Variants in MX1 observed in about 807,000 individuals in gnomAD.
MX1 encodes interferon-induced GTP-binding protein Mx1.
Under a neutral mutation model 66.4 loss-of-function variants are expected in MX1, and 66 were observed. That is an observed-to-expected ratio of 0.99 (90% confidence interval 0.82 to 1.22). The LOEUF is 1.22. Ranked by LOEUF, MX1 falls within the 50% of genes most tolerant of loss-of-function variation. The probability of loss-of-function intolerance (pLI) is 0.00; values close to 1 mark genes in which losing one functional copy is unlikely to be tolerated. For synonymous variants in MX1, 311 were observed against 318.1 expected, an observed-to-expected ratio of 0.98 and a Z score of 0.24; for missense variants, 787 against 834.3, an observed-to-expected ratio of 0.94 and a Z score of 0.70.
At chr21:41,431,864 C>T (rs546815113) in intron 4 of MX1, 186 bp from the exon 5 acceptor site, 5 of 541,068 alleles carry the variant, frequency 9.2e-6, no homozygotes, top group Admixed American at 3.2e-5. Context: ...TTTCTCTTTC[C>T]GTGAATAAAA....
intron 10 of MX1, chr21:41,443,486 CAT>C (rs2090574247): frequency 2.8e-6 from 1 of 357,962 alleles, no homozygotes; most frequent in Non-Finnish European, 5.2e-6. Flanking sequence ...GTTATAAAAA[CAT>C]ATCTATACAT....
At chr21:41,447,781 G>A (rs1298871130) in intron 13 of MX1, among the ~76,000 whole-genome samples, 1 of 152,076 alleles carries the variant, frequency 6.6e-6, no homozygotes, top group Non-Finnish European at 1.5e-5. Context: ...TGTTGCCCAG[G>A]CTGGGGTGCA....
Position 41,449,153 on chromosome 21 carries a change from T to C in MX1, c.1290T>C (p.Ser430=). 1 of 1,611,072 alleles carries C rather than the reference T, an allele frequency of 6.2e-7. No homozygotes were observed. Among genetic ancestry groups the C allele is most frequent in the Non-Finnish European group, 8.5e-7 (1 of 1,179,076 alleles). The change falls in exon 14 of 17, where the codon AGT becomes AGC. Residue 430 remains serine (S), a synonymous_variant. Transcript: ENST00000398598. ...NNFQEGHKIL[S]RKIQKFENQY... is the part of the protein sequence containing the mutation. ...CTGCTATAGGCCATAAAATTTTGAG[T>C]AGAAAAATCCAGAAATTTGAAAATC...
At chr21:41,436,277 C>A (rs1280345950) in intron 6 of MX1, among the ~76,000 whole-genome samples, 2 of 152,178 alleles carry the variant, frequency 1.3e-5, no homozygotes, top group Non-Finnish European at 2.9e-5. Context: ...CATAAGGGCA[C>A]CAGTCATATT....
intron 10 of MX1, among the ~76,000 whole-genome samples, chr21:41,443,166 G>C (rs2090566311): frequency 9.0e-6 from 1 of 111,578 alleles, no homozygotes; most frequent in Non-Finnish European, 2.3e-5. Flanking sequence ...TTAGGTATGA[G>C]TATACTCACA....
intron 13 of MX1, among the ~76,000 whole-genome samples, chr21:41,448,496 C>T (rs546125098): frequency 2.0e-5 from 3 of 152,078 alleles, no homozygotes; most frequent in Non-Finnish European, 4.4e-5. Context: ...AAACTTCATA[C>T]TCGAGTACGT....
intron 14 of MX1, 51 bp from the exon 15 acceptor site, chr21:41,451,111 TAAGAA>T (rs2090810983): frequency 1.6e-6 from 2 of 1,228,990 alleles, no homozygotes. Flanking sequence ...TTTTGCATCT[TAAGAA>T]GAGAACAAAT....
At chr21:41,436,382 A>T (rs2090363506) in intron 6 of MX1, among the ~76,000 whole-genome samples, 1 of 152,256 alleles carries the variant, frequency 6.6e-6, no homozygotes, top group Admixed American at 6.5e-5. Context: ...TAGGGCTTCA[A>T]CATAGGAATT....
intron 10 of MX1, 112 bp from the exon 11 acceptor site, chr21:41,443,676 C>G (rs2090578855): frequency 1.1e-6 from 1 of 880,630 alleles, no homozygotes; most frequent in Admixed American, 1.8e-5. Flanking sequence ...GCAAGACATT[C>G]CATCCAGTTG....
chr21:41,446,222 T>C, intron 13 of MX1, 81 bp downstream of exon 13: 1 of 1,276,148 alleles, frequency 7.8e-7, no homozygotes, highest in Admixed American at 2.0e-5. Context: ...AGAAACTTAT[T>C]GCTCATTGTT....
intron 10 of MX1, among the ~76,000 whole-genome samples, chr21:41,442,356 T>C (rs2090545501): frequency 6.6e-6 from 1 of 152,192 alleles, no homozygotes; most frequent in African/African-American, 2.4e-5. Context: ...GGTGTTAGGA[T>C]AATTAATATT....
intron 4 of MX1, among the ~76,000 whole-genome samples, chr21:41,431,083 T>C (rs1188528577): frequency 6.6e-6 from 1 of 152,156 alleles, no homozygotes; most frequent in Non-Finnish European, 1.5e-5. Context: ...AGTGCAGTGG[T>C]GCGATCTCGG....
chr21:41,435,798 T>G (rs764027956), intron 5 of MX1, 39 bp from the exon 6 acceptor site: 23 of 1,583,258 alleles, frequency 1.5e-5, no homozygotes, highest in Non-Finnish European at 1.9e-5. Flanking sequence ...GAGCATGATT[T>G]GCAGGCCATG....
rs1469960739 is a variant in MX1, at chr21:41,441,944, A to G, written c.929+30A>G. The G allele has an allele frequency of 1.9e-6, 3 of 1,612,874 alleles. No individual in the cohort carries two copies. The highest frequency in any genetic ancestry group is 2.5e-6 in the Non-Finnish European group (3 of 1,179,026). ...GCTTGCCTGGGTTTCATCATGGATC[A>G]GTCCAAGCCCAGGATGTCAGGCCTT... On this transcript the variant is annotated intron_variant, in intron 10 of 16. Transcript: ENST00000398598. The surrounding 1 kb of genome is among the most constrained non-coding windows in gnomAD (Gnocchi z 4.0).
At chr21:41,452,558 C>CCACAGGA in intron 15 of MX1, 63 bp from the exon 16 acceptor site, 1 of 1,530,786 alleles carries the variant, frequency 6.5e-7, no homozygotes, top group Non-Finnish European at 8.8e-7. Flanking sequence ...TTCTTACCTA[C>CCACAGGA]TTTCCTGTGA....
chr21:41,449,232 A>T lies in MX1; in HGVS notation c.1369A>T (p.Ile457Phe). 1 of 1,614,084 alleles carries T rather than the reference A, an allele frequency of 6.2e-7. No homozygotes were observed. Among genetic ancestry groups the T allele is most frequent in the Non-Finnish European group, 8.5e-7 (1 of 1,179,994 alleles). The change falls in exon 14 of 17, where the codon ATC becomes TTC. Residue 457 changes from isoleucine to phenylalanine, a missense_variant. Ile to Phe is a conservative substitution (Grantham distance 21). Coordinates refer to ENST00000398598, the MANE Select transcript of MX1 (RefSeq NM_002462.5). ...TGTGAATTACAGGACATTTGAGACA[A>T]TCGTGAAACAGCAAATCAAGGCACT... is the stretch of plus-strand genomic sequence containing the variant. ...GFVNYRTFET[I>F]VKQQIKALEE...
intron 13 of MX1, among the ~76,000 whole-genome samples, chr21:41,447,805 G>A (rs1363241895): frequency 3.3e-5 from 5 of 151,906 alleles, no homozygotes; most frequent in South Asian, 2.1e-4. Context: ...GCTCAGTCTC[G>A]GCTCACTGCA....
chr21:41,433,566 A>AAATGATT (rs1196867306), intron 5 of MX1, among the ~76,000 whole-genome samples: 1 of 152,242 alleles, frequency 6.6e-6, no homozygotes, highest in African/African-American at 2.4e-5. Context: ...GAAATATACA[A>AAATGATT]AATGATTCCA....
rs761505928 is a variant in MX1 at position 41,439,687 on chromosome 21, T to A, written c.437-7T>A. ...TTTGGGTTTGATTTTCCCTGTCTCT[T>A]TTCTAGCCCAGAATGCCATCGCCGG... On this transcript the variant is annotated splice_region_variant and splice_polypyrimidine_tract_variant and intron_variant, in intron 7 of 16. Coordinates refer to ENST00000398598, the MANE Select transcript of MX1 (RefSeq NM_002462.5). The A allele has an allele frequency of 6.2e-7, 1 of 1,613,200 alleles. No homozygotes were observed. The highest frequency in any genetic ancestry group is 8.5e-7 in the Non-Finnish European group (1 of 1,179,200).
Sources: gnomAD v4.1 joint callset for allele counts (sites outside exome capture counted in the v4.1 genomes callset) on GRCh38, gnomAD v4.1.1 for gene constraint, Gnocchi (gnomAD v3.1) non-coding constraint, MANE v1.5 for transcripts, NCBI Gene and HGNC (gene_info 2026-07-23, HGNC 2026-07-21) for gene names.